CAVIN1: variants seen among roughly 807,000 people sequenced by gnomAD.
CAVIN1 encodes caveolae associated protein 1, also known as caveolae-associated protein 1.
Under a neutral mutation model 24.0 loss-of-function variants are expected in CAVIN1, and 16 were observed. The ratio of observed to expected loss-of-function variants is 0.67; its 90% confidence interval spans 0.45 to 1.01. The LOEUF is 1.01. Ranked by LOEUF, CAVIN1 falls within the 50% of genes least tolerant of loss-of-function variation. The probability of loss-of-function intolerance (pLI) is 0.00; values close to 1 mark genes in which losing one functional copy is unlikely to be tolerated. For synonymous variants in CAVIN1, 256 were observed against 256.4 expected (o/e 1.00, Z 0.02); for missense variants, 510 against 551.7 (o/e 0.92, Z 0.76).
intron 1 of CAVIN1, among the ~76,000 whole-genome samples, chr17:42,419,725 G>T (rs2085533694): frequency 1.3e-5 from 2 of 152,164 alleles, no homozygotes; most frequent in South Asian, 4.1e-4. Context: ...TCATTTACTA[G>T]CTGTTGCTAG....
intron 1 of CAVIN1, among the ~76,000 whole-genome samples, chr17:42,411,126 G>A (rs2085473738): frequency 7.4e-6 from 1 of 134,456 alleles, no homozygotes; most frequent in Non-Finnish European, 1.5e-5. Context: ...CGAGGAGGTG[G>A]AGGTTGTAGT....
In CAVIN1 at chr17:42,405,074, G is replaced by C; in HGVS notation, c.786C>G (p.Asn262Lys). The C allele has an allele frequency of 3.7e-6, 6 of 1,614,142 alleles. No individual in the cohort carries two copies. Among genetic ancestry groups the C allele is most frequent in the Non-Finnish European group, 4.2e-6 (5 of 1,180,020 alleles). ...LEKTRLKTKE[N>K]LEKTRHTLEK... ...CCAGGGTGTGCCGCGTCTTCTCCAGGTTTTCCTTGGTCTTGAGGCGCGTCT... is the reference window on the plus strand; with the variant it reads ...CCAGGGTGTGCCGCGTCTTCTCCAGCTTTTCCTTGGTCTTGAGGCGCGTCT... Residue 262 changes from asparagine (N) to lysine (K), a missense_variant, in exon 2 of 2, where the codon AAC becomes AAG. Coordinates refer to ENST00000357037, the MANE Select transcript of CAVIN1 (RefSeq NM_012232.6).
rs767157234 is a variant in CAVIN1 at position 42,404,840 on chromosome 17, C to T, written c.1020G>A (p.Glu340=). The T allele has an allele frequency of 6.2e-7, 1 of 1,613,758 alleles. No individual in the cohort carries two copies. The highest frequency in any genetic ancestry group is 1.1e-5 in the South Asian group (1 of 91,076). The change falls in exon 2 of 2, where the codon GAG becomes GAA. Residue 340 remains glutamate (E), a synonymous_variant. Coordinates refer to ENST00000357037, the MANE Select transcript of CAVIN1 (RefSeq NM_012232.6). The part of the protein sequence containing the change: ...EGQVEVLKAT[E]MVEVGADDDE... ...CGTCGTCGGCGCCCACCTCCACCAT[C>T]TCGGTGGCCTTGAGCACTTCCACCT...
Position 42,404,643 on chromosome 17 carries a change from G to A in CAVIN1, c.*44C>T, listed in dbSNP as rs2085430504. 2.3e-6 allele frequency: 3 copies of A among 1,292,906 alleles called. No individual in the cohort carries two copies. The South Asian group carries it at 4.9e-5, about 21-fold the overall frequency. 80.1% of individuals were successfully genotyped at this position (1,292,906 alleles called of 1,614,324 possible). A position where few individuals can be genotyped will look rare whatever the true frequency, so the allele number is the denominator to read the frequency against. On this transcript the variant is annotated 3_prime_UTR_variant, in exon 2 of 2. Transcript: ENST00000357037. Reference sequence around the variant, plus strand: ...GCCGAGAGAGAATGCGAAAGAGGAAGTTCGGAAGGAGCGAGGAATGGGGTG... The same window carrying A: ...GCCGAGAGAGAATGCGAAAGAGGAAATTCGGAAGGAGCGAGGAATGGGGTG...
intron 1 of CAVIN1, among the ~76,000 whole-genome samples, chr17:42,407,416 C>T (rs1180802725): frequency 6.6e-6 from 1 of 152,110 alleles, no homozygotes; most frequent in Non-Finnish European, 1.5e-5. Context: ...ACATAGGCTG[C>T]TCGGTATCTC....
In CAVIN1 at chr17:42,422,901, T is replaced by C. The variant is rs2085564424; in HGVS notation, c.197A>G (p.Asp66Gly). ...SLLDKIIGAV[D>G]QIQLTQAQLE... ...CTGTGCTTGAGTCAGCTGGATCTGG[T>C]CTACGGCCCCGATGATTTTGTCCAG... The change falls in exon 1 of 2, where the codon GAC becomes GGC. Residue 66 changes from aspartate to glycine, a missense_variant. Coordinates refer to ENST00000357037, the MANE Select transcript of CAVIN1 (RefSeq NM_012232.6). 4 of 1,614,112 alleles carry C rather than the reference T, an allele frequency of 2.5e-6. No homozygotes were observed. Among genetic ancestry groups the C allele is most frequent in the Non-Finnish European group, 3.4e-6 (4 of 1,180,020 alleles).
chr17:42,405,213 G>C lies in CAVIN1; in HGVS notation c.647C>G (p.Ser216Cys), dbSNP rs149017106. The C allele has an allele frequency of 1.9e-6, 3 of 1,613,832 alleles. No individual in the cohort carries two copies. Among genetic ancestry groups the C allele is most frequent in the Non-Finnish European group, 1.7e-6 (2 of 1,180,008 alleles). ...AVEVEEVIEE[S>C]RAERIKRSGL... is the part of the protein sequence containing the mutation. ...GCTGCGCTTGATACGCTCTGCGCGGGACTCCTCAATAACCTCCTCAACCTC... is the reference window on the plus strand; with the variant it reads ...GCTGCGCTTGATACGCTCTGCGCGGCACTCCTCAATAACCTCCTCAACCTC... Residue 216 changes from serine (S) to cysteine (C), a missense_variant, in exon 2 of 2, where the codon TCC (serine) becomes TGC (cysteine). By Grantham distance (112) the Ser-to-Cys change is moderately radical. Coordinates refer to ENST00000357037, the MANE Select transcript of CAVIN1 (RefSeq NM_012232.6).
chr17:42,420,880 C>T (rs1265606977), intron 1 of CAVIN1, among the ~76,000 whole-genome samples: 1 of 152,132 alleles, frequency 6.6e-6, no homozygotes, highest in African/African-American at 2.4e-5. Context: ...CCACACCAGG[C>T]TCTGGAGGAA....
chr17:42,404,948 G>C lies in CAVIN1; in HGVS notation c.912C>G (p.Asp304Glu). 1 of 1,614,150 alleles carries C rather than the reference G, an allele frequency of 6.2e-7. No homozygotes were observed. Among genetic ancestry groups the C allele is most frequent in the Non-Finnish European group, 8.5e-7 (1 of 1,179,998 alleles). ...TCTTGGAGCGCGCGTACACCACGTG[G>C]TCGGGCGTGAAGGATTTGCGCAACT... ...RDKLRKSFTP[D>E]HVVYARSKTA... The change falls in exon 2 of 2, where the codon GAC (aspartate) becomes GAG (glutamate). Residue 304 changes from aspartate to glutamate, a missense_variant. By Grantham distance (45) the Asp-to-Glu change is conservative. Transcript: ENST00000357037.
chr17:42,417,168 T>C (rs921993827), intron 1 of CAVIN1, among the ~76,000 whole-genome samples: 1 of 152,130 alleles, frequency 6.6e-6, no homozygotes, highest in African/African-American at 2.4e-5. Context: ...AAGATTGTAA[T>C]GGAGGCTGGT....
chr17:42,412,269 G>T (rs908935047), intron 1 of CAVIN1: 10 of 985,008 alleles, frequency 1.0e-5, no homozygotes, highest in Non-Finnish European at 1.2e-5. Context: ...AGGAAAAGGG[G>T]TTTAAATGGG....
chr17:42,415,736 C>CA lies in CAVIN1; in HGVS notation c.471+6890dup, dbSNP rs1307883028. 1.9e-3 allele frequency among the ~76,000 whole-genome samples: 270 copies of CA among 142,188 alleles called. 3 individuals are homozygous for CA. The highest frequency in any genetic ancestry group is 0.01 in the Middle Eastern group (3 of 286). 93.3% of individuals were successfully genotyped at this position (142,188 alleles called of 152,430 possible). A position where few individuals can be genotyped will look rare whatever the true frequency, so the allele number is the denominator to read the frequency against. ...CAGAAAAACAAAACAAAACAAAAAA[C>CA]AAAAAAAAAGAAAAAAAGAAAAGAA... On this transcript the variant is annotated intron_variant, in intron 1 of 1. Coordinates refer to ENST00000357037, the MANE Select transcript of CAVIN1 (RefSeq NM_012232.6).
chr17:42,420,868 G>A (rs2085540763), intron 1 of CAVIN1, among the ~76,000 whole-genome samples: 2 of 152,034 alleles, frequency 1.3e-5, no homozygotes, highest in South Asian at 2.1e-4. Flanking sequence ...GGTGGCTCTC[G>A]GCCACACCAG....
intron 1 of CAVIN1, among the ~76,000 whole-genome samples, chr17:42,410,603 G>A (rs1161355931): frequency 6.6e-6 from 1 of 152,006 alleles, no homozygotes; most frequent in East Asian, 1.9e-4. Context: ...TGAGGGAGAT[G>A]AACAGCTTGG....
intron 1 of CAVIN1, among the ~76,000 whole-genome samples, chr17:42,420,828 G>A (rs895529026): frequency 2.6e-5 from 4 of 152,134 alleles, no homozygotes; most frequent in African/African-American, 7.2e-5. Flanking sequence ...GATAGTTAGC[G>A]TGAGAAGGGT....
At chr17:42,412,392 T>A in intron 1 of CAVIN1, 1 of 453,300 alleles carries the variant, frequency 2.2e-6, no homozygotes, top group Non-Finnish European at 2.8e-6. Flanking sequence ...TAAACCACTT[T>A]TTTTTTTTTT....
At chr17:42,416,880 G>A (rs143701136) in intron 1 of CAVIN1, among the ~76,000 whole-genome samples, 39 of 152,300 alleles carry the variant, frequency 2.6e-4, no homozygotes, top group Non-Finnish European at 4.7e-4. Flanking sequence ...ATCCAGGAAA[G>A]AGGTACAGGT....
chr17:42,422,615 C>T lies in CAVIN1; in HGVS notation c.471+12G>A, dbSNP rs1567782039. ...GCGGGAGCTCTGGGCGCCTTCCGCC[C>T]TGTGGGCTCACCTGGTAGATCATGA... On this transcript the variant is annotated intron_variant, in intron 1 of 1. Coordinates refer to ENST00000357037, the MANE Select transcript of CAVIN1 (RefSeq NM_012232.6). 6.4e-6 allele frequency: 10 copies of T among 1,557,080 alleles called. No individual in the cohort carries two copies. The highest frequency in any genetic ancestry group is 1.9e-5 in the Admixed American group (1 of 51,838).
At chr17:42,407,014 C>T (rs955998176) in intron 1 of CAVIN1, among the ~76,000 whole-genome samples, 2 of 152,090 alleles carry the variant, frequency 1.3e-5, no homozygotes, top group Admixed American at 1.3e-4. Context: ...TTCCCCATGA[C>T]CCTGGAGCTC....
Sources: allele counts gnomAD v4.1 joint callset (sites outside exome capture counted in the v4.1 genomes callset), GRCh38; gene constraint gnomAD v4.1.1; transcripts MANE v1.5; gene names NCBI Gene and HGNC (gene_info 2026-07-23, HGNC 2026-07-21).